Variants in ARHGEF4 observed in about 807,000 individuals in gnomAD.
The protein encoded by ARHGEF4 is Rho guanine nucleotide exchange factor 4, also known as APC-stimulated guanine nucleotide exchange factor 1.
In ARHGEF4, 119 loss-of-function variants were observed where a neutral mutation model predicts 162.0. That is an observed-to-expected ratio of 0.73 (90% CI 0.63 to 0.86). The LOEUF is 0.86. Ranked by LOEUF, ARHGEF4 falls within the 40% of genes least tolerant of loss-of-function variation. The pLI is 0.00. For missense variants in ARHGEF4, 2,488 were observed against 2,456.0 expected (o/e 1.01, Z -0.28); for synonymous variants, 1,014 against 979.9 (o/e 1.03, Z -0.65).
chr2:131,043,587 C>A lies in ARHGEF4; in HGVS notation c.5157+4C>A, dbSNP rs1443473605. ...CCAGCTCATCTACTGTAAGAAGGTA[C>A]CAGAGCTGCTCTGCCCTGCTGCCCC... is the stretch of plus-strand genomic sequence containing the variant. On this transcript the variant is annotated splice_donor_region_variant and intron_variant, in intron 11 of 13. Coordinates refer to ENST00000409359, the MANE Select transcript of ARHGEF4 (RefSeq NM_001367493.1). 3 of 1,613,876 alleles carry A rather than the reference C, an allele frequency of 1.9e-6. No individual in the cohort carries two copies. The African/African-American group carries it at 4.0e-5, about 22-fold the overall frequency.
chr2:130,917,124 C>A lies in ARHGEF4; in HGVS notation c.3178C>A (p.Arg1060=), dbSNP rs150760589. ...CTGGCTGGCGTCCCCCGGCAGCCCT[C>A]GGGCCCAGCAGGCTGGAATCGCACA... ...KSWLASPGSP[R]AQQAGIAHTL... The change falls in exon 2 of 14, where the codon CGG becomes AGG. Residue 1060 remains arginine (R), a synonymous_variant. Coordinates refer to ENST00000409359, the MANE Select transcript of ARHGEF4 (RefSeq NM_001367493.1). 1 of 1,550,440 alleles carries A rather than the reference C, an allele frequency of 6.4e-7. No homozygotes were observed. The highest frequency in any genetic ancestry group is 2.4e-5 in the East Asian group (1 of 40,894).
chr2:130,909,629 T>A (rs188426522), intron 1 of ARHGEF4, among the ~76,000 whole-genome samples: 343 of 151,906 alleles, frequency 2.3e-3, no homozygotes, highest in Non-Finnish European at 4.1e-3. Flanking sequence ...GTGGCTTTTT[T>A]ATGACAATTA....
intron 4 of ARHGEF4, among the ~76,000 whole-genome samples, chr2:131,009,545 A>AT (rs1290717146): frequency 5.9e-5 from 9 of 151,842 alleles, no homozygotes. Context: ...ATTTTCCAAC[A>AT]TTTTTTTCTC....
At chr2:130,964,425 G>C (rs963361276) in intron 4 of ARHGEF4, among the ~76,000 whole-genome samples, 13 of 151,640 alleles carry the variant, frequency 8.6e-5, no homozygotes, top group African/African-American at 3.2e-4. Flanking sequence ...TCTTTTTCTG[G>C]TTTCCTTCTG....
At chr2:130,996,411 A>G (rs1203049819) in intron 4 of ARHGEF4, among the ~76,000 whole-genome samples, 2 of 152,198 alleles carry the variant, frequency 1.3e-5, no homozygotes, top group African/African-American at 2.4e-5. Flanking sequence ...TTTTTGAATT[A>G]TAGACTGCCA....
chr2:130,952,090 A>G (rs1683992452), intron 4 of ARHGEF4, among the ~76,000 whole-genome samples: 1 of 152,150 alleles, frequency 6.6e-6, no homozygotes, highest in Non-Finnish European at 1.5e-5. Flanking sequence ...GTTTTTTATA[A>G]TTACATCATT....
At chr2:130,956,883 A>G (rs1004416753) in intron 4 of ARHGEF4, among the ~76,000 whole-genome samples, 3 of 152,048 alleles carry the variant, frequency 2.0e-5, no homozygotes, top group African/African-American at 7.2e-5. Flanking sequence ...ACGAGTCTGC[A>G]GCACACCAGC....
chr2:131,040,542 A>T, intron 8 of ARHGEF4, 102 bp downstream of exon 8: 7 of 1,311,714 alleles, frequency 5.3e-6, no homozygotes, highest in Non-Finnish European at 6.1e-6. Flanking sequence ...ACCTTCCACA[A>T]CGCCTGGGCC....
intron 4 of ARHGEF4, among the ~76,000 whole-genome samples, chr2:130,974,156 C>A (rs1685541256): frequency 6.6e-6 from 1 of 151,520 alleles, no homozygotes; most frequent in Non-Finnish European, 1.5e-5. Flanking sequence ...CCTGTCGTCC[C>A]AGCCACTTGG....
intron 4 of ARHGEF4, chr2:131,011,844 G>A: frequency 1.4e-6 from 1 of 717,572 alleles, no homozygotes; most frequent in South Asian, 1.5e-5. Context: ...ACCAGCTGGA[G>A]GTTCTTGTGT....
intron 1 of ARHGEF4, among the ~76,000 whole-genome samples, chr2:130,865,109 A>G (rs1366029709): frequency 1.3e-5 from 2 of 152,260 alleles, no homozygotes; most frequent in African/African-American, 2.4e-5. Flanking sequence ...TATGAAATCT[A>G]CAACCACAGT....
intron 1 of ARHGEF4, among the ~76,000 whole-genome samples, chr2:130,869,092 T>G (rs1435612267): frequency 1.3e-5 from 2 of 152,212 alleles, no homozygotes; most frequent in Non-Finnish European, 2.9e-5. Flanking sequence ...CACAGACATC[T>G]TGGGGGTCCC....
chr2:131,042,159 T>C lies in ARHGEF4; in HGVS notation c.5025+215T>C, dbSNP rs1690866577. 1.3e-5 allele frequency among the ~76,000 whole-genome samples: 2 copies of C among 152,186 alleles called. 1 individual carries two copies. Among genetic ancestry groups the C allele is most frequent in the South Asian group, 4.1e-4 (2 of 4,832 alleles). ...CAGGCTTTGGCACCTGGTGGCCTCT[T>C]TTCTATGTGAAACTCCTCCCATGAG... On this transcript the variant is annotated intron_variant, in intron 10 of 13. Transcript: ENST00000409359.
chr2:130,856,845 A>ACTGTGCTTTT (rs1262327295), intron 1 of ARHGEF4, among the ~76,000 whole-genome samples: 1 of 152,236 alleles, frequency 6.6e-6, no homozygotes, highest in African/African-American at 2.4e-5. Flanking sequence ...AAAAGCACAG[A>ACTGTGCTTTT]GGTGATTGGG....
At chr2:131,000,710 T>C (rs1558833088) in intron 4 of ARHGEF4, among the ~76,000 whole-genome samples, 1 of 152,200 alleles carries the variant, frequency 6.6e-6, no homozygotes, top group Non-Finnish European at 1.5e-5. Flanking sequence ...AGATTTAGAA[T>C]TGAATGAGAA....
At chr2:131,008,022 A>G (rs1267847813) in intron 4 of ARHGEF4, among the ~76,000 whole-genome samples, 3 of 151,948 alleles carry the variant, frequency 2.0e-5, no homozygotes, top group African/African-American at 7.2e-5. Context: ...CATGTTGGCC[A>G]GGCTAGTCTC....
chr2:131,036,587 A>G (rs1361623465), intron 5 of ARHGEF4, among the ~76,000 whole-genome samples: 4 of 152,166 alleles, frequency 2.6e-5, no homozygotes, highest in African/African-American at 7.2e-5. Flanking sequence ...GGGGCCACCT[A>G]TGCCGGACCC....
intron 4 of ARHGEF4, among the ~76,000 whole-genome samples, chr2:131,020,180 TTTTC>T (rs1689018800): frequency 6.6e-6 from 1 of 152,198 alleles, no homozygotes; most frequent in South Asian, 2.1e-4. Context: ...CCTTTATTCT[TTTTC>T]TTTATTTTAT....
intron 1 of ARHGEF4, among the ~76,000 whole-genome samples, chr2:130,852,399 A>G (rs1681471217): frequency 6.6e-6 from 1 of 152,234 alleles, no homozygotes; most frequent in African/African-American, 2.4e-5. Flanking sequence ...GGCAGGACAC[A>G]GGCACAAGGC....
Sources: allele counts gnomAD v4.1 joint callset (sites outside exome capture counted in the v4.1 genomes callset), GRCh38; gene constraint gnomAD v4.1.1; transcripts MANE v1.5; gene names NCBI Gene and HGNC (gene_info 2026-07-23, HGNC 2026-07-21).